Variants in NHSL1 observed in about 807,000 individuals in gnomAD.
NHSL1 encodes the protein NHS-like protein 1.
A neutral mutation model predicts 95.0 loss-of-function variants in NHSL1; 48 were observed. The ratio of observed to expected loss-of-function variants is 0.51; its 90% CI spans 0.40 to 0.64. The LOEUF (loss-of-function observed/expected upper bound fraction) is 0.64, where lower values mean the gene tolerates loss of function less well. NHSL1 is among the 30% of genes least tolerant of loss of function. The pLI is 0.00. For synonymous variants in NHSL1, 783 were observed against 833.9 expected, an observed-to-expected ratio of 0.94 and a Z score of 1.05; for missense variants, 1,971 against 2,077.7, an observed-to-expected ratio of 0.95 and a Z score of 1.00.
intron 5 of NHSL1, among the ~76,000 whole-genome samples, chr6:138,435,668 C>T (rs191733349): frequency 4.0e-5 from 6 of 150,776 alleles, no homozygotes; most frequent in African/African-American, 1.2e-4. Flanking sequence ...ATGCATACGT[C>T]GTTTTACTGT....
chr6:138,679,695 C>G (rs1285566554), intron 1 of NHSL1, among the ~76,000 whole-genome samples: 1 of 152,168 alleles, frequency 6.6e-6, no homozygotes, highest in African/African-American at 2.4e-5. Context: ...CCCCTGAGGA[C>G]ATCAAAAGGG....
chr6:138,491,874 T>C (rs2128280727), intron 2 of NHSL1, among the ~76,000 whole-genome samples: 1 of 152,306 alleles, frequency 6.6e-6, no homozygotes, highest in South Asian at 2.1e-4. Context: ...CTCAAATGAG[T>C]ACTTCCTTTG....
intron 1 of NHSL1, among the ~76,000 whole-genome samples, chr6:138,559,057 G>GAAAA: frequency 8.2e-6 from 1 of 121,876 alleles, no homozygotes; most frequent in East Asian, 2.4e-4. Flanking sequence ...TCTTTAAAAA[G>GAAAA]AAAAAAAAAA....
chr6:138,481,502 T>C (rs541983481), intron 2 of NHSL1, among the ~76,000 whole-genome samples: 102 of 152,290 alleles, frequency 6.7e-4, no homozygotes, highest in African/African-American at 2.4e-3. Context: ...TAGAACATAA[T>C]TAAAAGACAA....
intron 1 of NHSL1, among the ~76,000 whole-genome samples, chr6:138,690,282 G>A (rs1785647051): frequency 1.3e-5 from 2 of 152,206 alleles, no homozygotes; most frequent in East Asian, 3.8e-4. Context: ...AGATGGTAAT[G>A]CATAGGCATT....
intron 5 of NHSL1, among the ~76,000 whole-genome samples, chr6:138,438,569 T>C (rs888337446): frequency 2.0e-5 from 3 of 152,216 alleles, no homozygotes; most frequent in African/African-American, 4.8e-5. Flanking sequence ...TACAAACAAG[T>C]GTAGACCACT....
chr6:138,501,074 A>G (rs1780648859), upstream of NHSL1, among the ~76,000 whole-genome samples: 1 of 152,188 alleles, frequency 6.6e-6, no homozygotes, highest in African/African-American at 2.4e-5. Context: ...TTGTGGGCAA[A>G]AACACTCATA....
upstream of NHSL1, among the ~76,000 whole-genome samples, chr6:138,573,204 C>T (rs1457867665): frequency 1.3e-5 from 2 of 152,186 alleles, no homozygotes; most frequent in Non-Finnish European, 2.9e-5. Context: ...GCCTCCTCTG[C>T]AAACTATCTA....
chr6:138,517,410 ATT>A (rs1208133809), intron 1 of NHSL1, among the ~76,000 whole-genome samples: 1 of 152,174 alleles, frequency 6.6e-6, no homozygotes, highest in African/African-American at 2.4e-5. Context: ...CTCTGTATTC[ATT>A]TTTTAAATGC....
At position 138,433,652 on chromosome 6, in the gene NHSL1, A is replaced by G; in HGVS notation, c.693T>C (p.Asp231=). ...LASGTGQDDA[D]GHSVYTPDHY... is the part of the protein sequence containing the mutation. ...GATCAGGGGTGTACACTGAGTGGCCATCAGCATCATCTTGGCCAGTGCCTG... is the reference window on the plus strand; with the variant it reads ...GATCAGGGGTGTACACTGAGTGGCCGTCAGCATCATCTTGGCCAGTGCCTG... The change falls in exon 6 of 8, where the codon GAT becomes GAC. Residue 231 remains aspartate, a synonymous_variant. Coordinates refer to ENST00000343505, the MANE Select transcript of NHSL1 (RefSeq NM_001144060.2). 1.3e-6 allele frequency: 2 copies of G among 1,545,108 alleles called. No individual in the cohort carries two copies. The highest frequency in any genetic ancestry group is 1.8e-6 in the Non-Finnish European group (2 of 1,141,564).
chr6:138,656,393 A>C (rs1474336833), intron 1 of NHSL1, among the ~76,000 whole-genome samples: 1 of 152,198 alleles, frequency 6.6e-6, no homozygotes, highest in Non-Finnish European at 1.5e-5. Flanking sequence ...AAACTTCCTA[A>C]GATGTTGTTT....
chr6:138,550,542 T>C (rs1782962933), upstream of NHSL1, among the ~76,000 whole-genome samples: 1 of 152,228 alleles, frequency 6.6e-6, no homozygotes, highest in African/African-American at 2.4e-5. Context: ...CTCTCCCTTG[T>C]AGGATTACAA....
At chr6:138,650,880 G>A in intron 1 of NHSL1, 4 of 541,140 alleles carry the variant, frequency 7.4e-6, no homozygotes, top group South Asian at 5.5e-5. Flanking sequence ...TGGGGCCTCG[G>A]GCCTTGGAAC....
chr6:138,423,912 G>T lies in NHSL1; in HGVS notation c.*169C>A. The T allele has an allele frequency of 3.8e-6, 2 of 522,734 alleles. No homozygotes were observed. Among genetic ancestry groups the T allele is most frequent in the Non-Finnish European group, 5.9e-6 (2 of 340,110 alleles). 32.4% of individuals were successfully genotyped at this position (522,734 alleles called of 1,614,324 possible). On this transcript the variant is annotated 3_prime_UTR_variant, in exon 8 of 8. Transcript: ENST00000343505. ...AAGCCACAGGGCAAGTGCCAGGTGA[G>T]TCCTAAATAACCGTTCACTCACACT...
At chr6:138,668,969 G>A (rs1245510135) in intron 1 of NHSL1, among the ~76,000 whole-genome samples, 1 of 152,164 alleles carries the variant, frequency 6.6e-6, no homozygotes, top group Non-Finnish European at 1.5e-5. Context: ...GATGGAGGAA[G>A]CAAGGGAAAT....
At chr6:138,531,807 C>T (rs2128316367) in intron 1 of NHSL1, among the ~76,000 whole-genome samples, 1 of 152,304 alleles carries the variant, frequency 6.6e-6, no homozygotes, top group South Asian at 2.1e-4. Context: ...GCCACAATAC[C>T]TGGCTAATTC....
chr6:138,614,168 A>T (rs1005014990), intron 1 of NHSL1, among the ~76,000 whole-genome samples: 1 of 152,216 alleles, frequency 6.6e-6, no homozygotes, highest in Non-Finnish European at 1.5e-5. Context: ...TGTAAATAGA[A>T]ATTGATGTGT....
At chr6:138,637,655 C>T (rs1784904741) in intron 1 of NHSL1, among the ~76,000 whole-genome samples, 1 of 152,128 alleles carries the variant, frequency 6.6e-6, no homozygotes, top group African/African-American at 2.4e-5. Flanking sequence ...CATCAGAGAA[C>T]ACCAATCAAT....
intron 3 of NHSL1, among the ~76,000 whole-genome samples, chr6:138,458,785 C>G (rs543279598): frequency 6.7e-6 from 1 of 149,760 alleles, no homozygotes; most frequent in Admixed American, 6.6e-5. Context: ...AAGTTCACAC[C>G]ACTGCACTCC....
Sources: allele counts gnomAD v4.1 joint callset (sites outside exome capture counted in the v4.1 genomes callset), GRCh38; gene constraint gnomAD v4.1.1; transcripts MANE v1.5; gene names NCBI Gene and HGNC (gene_info 2026-07-23, HGNC 2026-07-21).